MYH15: variants seen among roughly 807,000 people sequenced by gnomAD.
The protein encoded by MYH15 is myosin heavy chain 15, also known as myosin-15.
In MYH15, 227 loss-of-function variants were observed where a neutral mutation model predicts 240.5. That is an observed-to-expected ratio of 0.94 (90% CI 0.85 to 1.05). The LOEUF is 1.05. Among genes scored for constraint, MYH15 ranks in the 50% least tolerant of loss-of-function variants. The probability of loss-of-function intolerance (pLI) is 0.00; values close to 1 mark genes in which losing one functional copy is unlikely to be tolerated. For synonymous variants in MYH15, 785 were observed against 796.7 expected, an observed-to-expected ratio of 0.99 and a Z score of 0.25; for missense variants, 2,217 against 2,247.5, an observed-to-expected ratio of 0.99 and a Z score of 0.27.
intron 22 of MYH15, 58 bp from the exon 23 acceptor site, chr3:108,441,318 G>A (rs769944448): frequency 6.2e-5 from 98 of 1,591,268 alleles, no homozygotes; most frequent in Non-Finnish European, 8.0e-5. Flanking sequence ...TCAGCTAGGC[G>A]AAAATGCTGC....
rs758237765 is a variant in MYH15 at position 108,383,610 on chromosome 3, T to C, written c.5751A>G (p.Arg1917=). Reference sequence around the variant, plus strand: ...TCTGCCATACCTTTTTCCCAAACTCTCTTGCTTTAATTTTGAGTTTATTGA... The same window carrying C: ...TCTGCCATACCTTTTTCCCAAACTCCCTTGCTTTAATTTTGAGTTTATTGA... ...SQVNKLKIKA[R]EFGKKVQEE Residue 1917 remains arginine, a synonymous_variant, in exon 40 of 41, where the codon AGA becomes AGG. Transcript: ENST00000693548. The C allele has an allele frequency of 6.2e-7, 1 of 1,613,140 alleles. No homozygotes were observed. The highest frequency in any genetic ancestry group is 1.7e-5 in the Admixed American group (1 of 59,938).
At chr3:108,424,133 C>T (rs12633288) in intron 27 of MYH15, among the ~76,000 whole-genome samples, 13,166 of 152,126 alleles carry the variant, frequency 0.087, 1,268 homozygotes, top group East Asian at 0.51. Flanking sequence ...GTCAATGGTG[C>T]GTGGAAATGG....
rs748641936 is a variant in MYH15 at position 108,495,825 on chromosome 3, T to A, written c.666A>T (p.Ala222=). ...TTCTCAGGGTTTTAGCATTTCCAAA[T>A]GCTTCCAAGATAGTATTCGCTTGCA... is the stretch of plus-strand genomic sequence containing the variant. ...QIMQANTILE[A]FGNAKTLRND... is the part of the protein sequence containing the mutation. The change falls in exon 7 of 41, where the codon GCA becomes GCT. Residue 222 remains alanine, a synonymous_variant. Coordinates refer to ENST00000693548, the MANE Select transcript of MYH15 (RefSeq NM_014981.3). 6.2e-6 allele frequency: 10 copies of A among 1,612,930 alleles called. No individual in the cohort carries two copies.
intron 21 of MYH15, among the ~76,000 whole-genome samples, chr3:108,447,766 C>T (rs551890821): frequency 1.3e-5 from 2 of 152,104 alleles, no homozygotes; most frequent in Non-Finnish European, 2.9e-5. Flanking sequence ...ACTAACCACA[C>T]AAAAATATAT....
the MYH15 span, chr3:108,551,002 C>A: frequency 2.7e-6 from 1 of 372,588 alleles, no homozygotes; most frequent in Non-Finnish European, 4.6e-6. Context: ...AAATAAAAAA[C>A]ATGCAACAGA....
At chr3:108,528,573 A>T (rs2083690899) in intron 1 of MYH15, among the ~76,000 whole-genome samples, 1 of 152,206 alleles carries the variant, frequency 6.6e-6, no homozygotes, top group African/African-American at 2.4e-5. Context: ...ATGTATCTCA[A>T]TTCAATCCAA....
At chr3:108,549,999 GT>G in the MYH15 span, 4 of 151,982 alleles carry the variant, frequency 2.6e-5, no homozygotes, top group East Asian at 5.8e-4. Flanking sequence ...AATTTAAAAT[GT>G]TTTACTCTGC....
intron 1 of MYH15, among the ~76,000 whole-genome samples, chr3:108,528,103 T>TGAG (rs1373026513): frequency 6.6e-6 from 1 of 152,144 alleles, no homozygotes; most frequent in African/African-American, 2.4e-5. Context: ...TAATCGCCTC[T>TGAG]TAATACTGTA....
chr3:108,522,287 A>G (rs1050643458), intron 1 of MYH15, among the ~76,000 whole-genome samples: 1 of 152,066 alleles, frequency 6.6e-6, no homozygotes, highest in Non-Finnish European at 1.5e-5. Flanking sequence ...CTTAGTGGGT[A>G]TTTGGTAGTT....
intron 28 of MYH15, among the ~76,000 whole-genome samples, chr3:108,418,581 T>A (rs1399374446): frequency 1.3e-5 from 2 of 151,792 alleles, no homozygotes; most frequent in East Asian, 3.9e-4. Context: ...CTCCTGAGAA[T>A]CACTTGGGAT....
chr3:108,432,776 G>A (rs887243023), intron 25 of MYH15, among the ~76,000 whole-genome samples: 1 of 152,212 alleles, frequency 6.6e-6, no homozygotes, highest in Non-Finnish European at 1.5e-5. Context: ...GAGCCTACGA[G>A]TACACAGAAG....
rs2082486197 is a variant in MYH15 at position 108,399,187 on chromosome 3, A to T, written c.4817T>A (p.Leu1606Gln). ...GAGGTCCTCTTCCATCTTCTTCTTCAGCCGGGTAACCTCAATTCTGCTCTT... is the reference window on the plus strand; with the variant it reads ...GAGGTCCTCTTCCATCTTCTTCTTCTGCCGGGTAACCTCAATTCTGCTCTT... ...EAKSRIEVTR[L>Q]KKKMEEDLNE... is the part of the protein sequence containing the mutation. The change falls in exon 34 of 41, where the codon CTG becomes CAG. Residue 1606 changes from leucine to glutamine, a missense_variant. Physicochemically the swap from Leu to Gln is moderately radical, Grantham distance 113. Coordinates refer to ENST00000693548, the MANE Select transcript of MYH15 (RefSeq NM_014981.3). 1 of 1,614,174 alleles carries T rather than the reference A, an allele frequency of 6.2e-7. No homozygotes were observed. Among genetic ancestry groups the T allele is most frequent in the Non-Finnish European group, 8.5e-7 (1 of 1,180,026 alleles).
At chr3:108,510,760 T>C (rs2083517034), upstream of MYH15, among the ~76,000 whole-genome samples, 1 of 152,134 alleles carries the variant, frequency 6.6e-6, no homozygotes, top group Non-Finnish European at 1.5e-5. Context: ...GACTCAAGAA[T>C]ATCTGACTCT....
chr3:108,495,706 A>T, intron 7 of MYH15, 74 bp downstream of exon 7: 1 of 1,138,348 alleles, frequency 8.8e-7, no homozygotes, highest in Non-Finnish European at 1.3e-6. Flanking sequence ...TTTCATACCT[A>T]TGTGCTTACA....
chr3:108,440,942 G>A, intron 23 of MYH15, 76 bp downstream of exon 23: 1 of 1,562,520 alleles, frequency 6.4e-7, no homozygotes, highest in Non-Finnish European at 8.8e-7. Context: ...AATAGAGCAA[G>A]TCAGATACCA....
At chr3:108,493,282 T>C in intron 7 of MYH15, 105 bp from the exon 8 acceptor site, 2 of 675,586 alleles carry the variant, frequency 3.0e-6, no homozygotes, top group Non-Finnish European at 5.0e-6. Context: ...AAAGGACTAC[T>C]TCCCCAGAAG....
intron 6 of MYH15, among the ~76,000 whole-genome samples, chr3:108,496,801 CAAAA>C (rs71673665): frequency 8.1e-6 from 1 of 122,968 alleles, no homozygotes; most frequent in Non-Finnish European, 1.7e-5. Flanking sequence ...TAATGCGCAC[CAAAA>C]AAAAAAAAAA....
At chr3:108,482,708 C>T (rs1006714357) in intron 11 of MYH15, among the ~76,000 whole-genome samples, 1 of 152,204 alleles carries the variant, frequency 6.6e-6, no homozygotes, top group African/African-American at 2.4e-5. Context: ...ACCCTATCTA[C>T]AACAACCTCT....
chr3:108,444,561 TTCCGTG>T, intron 22 of MYH15, 73 bp downstream of exon 22: 1 of 1,500,174 alleles, frequency 6.7e-7, no homozygotes, highest in Non-Finnish European at 9.0e-7. Flanking sequence ...ATTTTTTTGT[TTCCGTG>T]TCAACACTGC....
Sources: allele counts gnomAD v4.1 joint callset (sites outside exome capture counted in the v4.1 genomes callset), GRCh38; gene constraint gnomAD v4.1.1; transcripts MANE v1.5; gene names NCBI Gene and HGNC (gene_info 2026-07-23, HGNC 2026-07-21).